Variants in ROBO2 observed in about 807,000 individuals in gnomAD.
The protein encoded by ROBO2 is roundabout guidance receptor 2.
Under a neutral mutation model 160.8 loss-of-function variants are expected in ROBO2, and 53 were observed. The observed-to-expected ratio is 0.33, with a 90% CI of 0.26 to 0.41. ROBO2 has a LOEUF of 0.41. Among genes scored for constraint, ROBO2 ranks in the 10% least tolerant of loss-of-function variants. ROBO2 has a pLI of 1.00. For missense variants in ROBO2, 1,577 were observed against 1,722.4 expected, an observed-to-expected ratio of 0.92 and a Z score of 1.49; for synonymous variants, 664 against 611.7, an observed-to-expected ratio of 1.09 and a Z score of -1.26.
intron 2 of ROBO2, among the ~76,000 whole-genome samples, chr3:76,972,327 G>GA (rs1350252298): frequency 6.6e-6 from 1 of 151,982 alleles, no homozygotes; most frequent in Non-Finnish European, 1.5e-5. Context: ...TCCTTTGGGG[G>GA]AATTTGTTGT....
intron 4 of ROBO2, among the ~76,000 whole-genome samples, chr3:77,490,099 CTTTTTTTTT>C (rs753903306): frequency 7.9e-6 from 1 of 126,662 alleles, no homozygotes; most frequent in Admixed American, 8.1e-5. Context: ...TTGTATTTTA[CTTTTTTTTT>C]TTTTTTTTTT....
chr3:76,329,032 C>G (rs983795323), intron 2 of ROBO2, among the ~76,000 whole-genome samples: 10 of 151,482 alleles, frequency 6.6e-5, no homozygotes, highest in Non-Finnish European at 1.5e-4. Flanking sequence ...TGTCAGAACT[C>G]CAGGGTCCCC....
At chr3:76,751,161 T>A (rs1365643233) in intron 2 of ROBO2, among the ~76,000 whole-genome samples, 1 of 152,136 alleles carries the variant, frequency 6.6e-6, no homozygotes, top group African/African-American at 2.4e-5. Flanking sequence ...AACCATCTGA[T>A]CTTTGATAAA....
At chr3:76,132,726 G>T (rs1220980159) in intron 2 of ROBO2, among the ~76,000 whole-genome samples, 2 of 152,114 alleles carry the variant, frequency 1.3e-5, no homozygotes, top group East Asian at 1.9e-4. Context: ...ATTAATGTCA[G>T]TTCTCTTATG....
intron 2 of ROBO2, among the ~76,000 whole-genome samples, chr3:76,798,145 A>G (rs1335655575): frequency 2.5e-5 from 1 of 39,946 alleles, no homozygotes; most frequent in African/African-American, 2.2e-4. Flanking sequence ...AGAAAGAGAA[A>G]GAAAGAAAGA....
intron 2 of ROBO2, among the ~76,000 whole-genome samples, chr3:76,375,819 G>A (rs2076317878): frequency 6.6e-6 from 1 of 152,030 alleles, no homozygotes; most frequent in African/African-American, 2.4e-5. Context: ...GAAGATAAGA[G>A]TAGAGTTAGG....
intron 2 of ROBO2, among the ~76,000 whole-genome samples, chr3:76,447,484 C>A (rs1175759798): frequency 6.8e-6 from 1 of 147,728 alleles, no homozygotes; most frequent in South Asian, 2.3e-4. Flanking sequence ...GTCAGTGTGG[C>A]GATTCCTCAG....
At chr3:77,250,809 A>G (rs1270886345) in intron 2 of ROBO2, among the ~76,000 whole-genome samples, 2 of 152,140 alleles carry the variant, frequency 1.3e-5, no homozygotes, top group Non-Finnish European at 1.5e-5. Flanking sequence ...TCATCTTTTT[A>G]TCAGGAACTG....
chr3:77,320,700 A>G (rs2064584543), intron 2 of ROBO2, among the ~76,000 whole-genome samples: 1 of 152,152 alleles, frequency 6.6e-6, no homozygotes, highest in Non-Finnish European at 1.5e-5. Context: ...AAAGAAAAAG[A>G]AAAAAGAAAA....
chr3:76,201,605 C>A (rs1826743), intron 2 of ROBO2, among the ~76,000 whole-genome samples: 16,618 of 152,048 alleles, frequency 0.11, 1,172 homozygotes, highest in African/African-American at 0.2. Context: ...CTCTTCAAAG[C>A]TGAGGTTATA....
chr3:77,022,548 T>A (rs2062703855), intron 2 of ROBO2, among the ~76,000 whole-genome samples: 1 of 152,216 alleles, frequency 6.6e-6, no homozygotes, highest in Non-Finnish European at 1.5e-5. Flanking sequence ...AAGCCATCCA[T>A]TCTTCATCAA....
chr3:76,851,741 C>CAAAAAAAAAAAAAAAAAAAA (rs71104629), intron 2 of ROBO2, among the ~76,000 whole-genome samples: 1 of 63,270 alleles, frequency 1.6e-5, no homozygotes, highest in African/African-American at 6.4e-5. Context: ...GACTCCGTCT[C>CAAAAAAAAAAAAAAAAAAAA]AAAAAAAAAA....
At chr3:76,774,486 A>G (rs1206588001) in intron 2 of ROBO2, among the ~76,000 whole-genome samples, 2 of 150,826 alleles carry the variant, frequency 1.3e-5, no homozygotes, top group Admixed American at 6.6e-5. Flanking sequence ...AAATCTTCCC[A>G]TTTTCTGGTG....
intron 2 of ROBO2, among the ~76,000 whole-genome samples, chr3:77,142,457 T>C (rs958446610): frequency 6.6e-6 from 1 of 152,184 alleles, no homozygotes; most frequent in African/African-American, 2.4e-5. Context: ...AAGTGATACT[T>C]CTGAGGAGTG....
chr3:76,979,528 G>T (rs548330308), intron 2 of ROBO2, among the ~76,000 whole-genome samples: 1 of 151,736 alleles, frequency 6.6e-6, no homozygotes, highest in Non-Finnish European at 1.5e-5. Flanking sequence ...CATTCATGTT[G>T]CTTCAAAAGA....
intron 2 of ROBO2, among the ~76,000 whole-genome samples, chr3:76,324,251 A>G (rs557614767): frequency 6.6e-6 from 1 of 152,348 alleles, no homozygotes; most frequent in Non-Finnish European, 1.5e-5. Context: ...TCACTTTTCT[A>G]GCTTCAAAAA....
chr3:76,508,954 A>G (rs1421527124), intron 2 of ROBO2, among the ~76,000 whole-genome samples: 2 of 152,122 alleles, frequency 1.3e-5, no homozygotes, highest in African/African-American at 4.8e-5. Flanking sequence ...ATCCTTTTTT[A>G]TATTATACAA....
chr3:77,076,979 C>A (rs2068078134), intron 1 of ROBO2, among the ~76,000 whole-genome samples: 2 of 152,276 alleles, frequency 1.3e-5, no homozygotes, highest in South Asian at 4.1e-4. Flanking sequence ...CTCACTTCAA[C>A]AAACTGGTAC....
chr3:75,943,747 G>A (rs1948155134), intron 2 of ROBO2, among the ~76,000 whole-genome samples: 1 of 151,928 alleles, frequency 6.6e-6, no homozygotes, highest in South Asian at 2.1e-4. Flanking sequence ...TGTTGCCCAG[G>A]CTGGAGTGCA....
Sources: allele counts gnomAD v4.1 joint callset (sites outside exome capture counted in the v4.1 genomes callset), GRCh38; gene constraint gnomAD v4.1.1; transcripts MANE v1.5; gene names NCBI Gene and HGNC (gene_info 2026-07-23, HGNC 2026-07-21).